Variants in CACNA1S observed in about 807,000 individuals in gnomAD.
The protein encoded by CACNA1S is calcium voltage-gated channel subunit alpha1 S.
CACNA1S carries 126 observed loss-of-function variants against 207.4 expected under a neutral mutation model. The observed-to-expected ratio is 0.61, with a 90% CI of 0.53 to 0.70. CACNA1S has a LOEUF of 0.70. Ranked by LOEUF, CACNA1S falls within the 30% of genes least tolerant of loss-of-function variation. The pLI, the probability that CACNA1S is intolerant of heterozygous loss-of-function variation, is 0.00. For missense variants in CACNA1S, 2,349 were observed against 2,422.8 expected, an observed-to-expected ratio of 0.97 and a Z score of 0.64; for synonymous variants, 960 against 932.7, an observed-to-expected ratio of 1.03 and a Z score of -0.53.
In CACNA1S at chr1:201,050,956, C is replaced by T. The variant is rs765459244; in HGVS notation, c.4113+28G>A. ...TGCCTCAGCTTATCAAAGCCCTCTC[C>T]CTGCCCCGCAGGCCCTCAGCATCTC... On this transcript the variant is annotated intron_variant, in intron 33 of 43. Coordinates refer to ENST00000362061, the MANE Select transcript of CACNA1S (RefSeq NM_000069.3). 20 of 1,613,200 alleles carry T rather than the reference C, an allele frequency of 1.2e-5. No individual in the cohort carries two copies. In the South Asian group the frequency reaches 2.2e-4, roughly 18 times the overall value.
At chr1:201,064,633 T>C (rs1661181264) in intron 22 of CACNA1S, among the ~76,000 whole-genome samples, 1 of 152,188 alleles carries the variant, frequency 6.6e-6, no homozygotes, top group Non-Finnish European at 1.5e-5. Flanking sequence ...GCTTTGGTGA[T>C]AGGAGGAGCA....
chr1:201,072,822 C>T lies in CACNA1S; in HGVS notation c.2160G>A (p.Leu720=). The change falls in exon 16 of 44, where the codon CTG becomes CTA. Residue 720 remains leucine, a splice_region_variant and synonymous_variant. Transcript: ENST00000362061. ...CATTAGATTCAAACTCATCGATTTT[C>T]AGCTGTAGGAAGGAACACAATGACT... ...KGEGIPTTAK[L]KIDEFESNVN... is the part of the protein sequence containing the mutation. 1 of 1,613,262 alleles carries T rather than the reference C, an allele frequency of 6.2e-7. No homozygotes were observed. The highest frequency in any genetic ancestry group is 2.2e-5 in the East Asian group (1 of 44,860).
chr1:201,101,656 C>T (rs1051396716), intron 2 of CACNA1S, among the ~76,000 whole-genome samples: 2 of 152,160 alleles, frequency 1.3e-5, no homozygotes, highest in African/African-American at 4.8e-5. Flanking sequence ...GTGTCTGATG[C>T]CCAAAGTTTG....
At chr1:201,098,629 T>C (rs916583891) in intron 2 of CACNA1S, among the ~76,000 whole-genome samples, 3 of 152,164 alleles carry the variant, frequency 2.0e-5, no homozygotes, top group Non-Finnish European at 2.9e-5. Context: ...AAATGAACAA[T>C]GGAAAGTCAC....
chr1:201,066,810 G>T lies in CACNA1S; in HGVS notation c.2657+77C>A, dbSNP rs1188658055. 5.5e-6 allele frequency: 6 copies of T among 1,085,176 alleles called. No individual in the cohort carries two copies. In the Admixed American group the frequency reaches 1.2e-4, roughly 21 times the overall value. 67.2% of individuals were successfully genotyped at this position (1,085,176 alleles called of 1,614,324 possible). A position where few individuals can be genotyped will look rare whatever the true frequency, so the allele number is the denominator to read the frequency against. ...TTGTGGCAGGGGCCCACCAACATGGGTGGGACTCCCACTACAAAGCCCTGG... is the reference window on the plus strand; with the variant it reads ...TTGTGGCAGGGGCCCACCAACATGGTTGGGACTCCCACTACAAAGCCCTGG... On this transcript the variant is annotated intron_variant, in intron 20 of 43. Coordinates refer to ENST00000362061, the MANE Select transcript of CACNA1S (RefSeq NM_000069.3). The surrounding 1 kb of genome is among the most constrained non-coding windows in gnomAD (Gnocchi z 4.3).
At chr1:201,098,262 GCAGGTGCGGCTGCACA>G (rs1176835404) in intron 2 of CACNA1S, among the ~76,000 whole-genome samples, 1 of 152,214 alleles carries the variant, frequency 6.6e-6, no homozygotes, top group African/African-American at 2.4e-5. Flanking sequence ...CAGGCTGTGG[GCAGGTGCGGCTGCACA>G]CCGTCGATAT....
chr1:201,055,843 A>C (rs1313602815), intron 28 of CACNA1S, among the ~76,000 whole-genome samples: 2 of 152,176 alleles, frequency 1.3e-5, no homozygotes, highest in Non-Finnish European at 2.9e-5. Context: ...ACCACCAAAG[A>C]CACTGTTTTG....
Position 201,043,396 on chromosome 1 carries a change from C to T in CACNA1S, c.4933G>A (p.Glu1645Lys), listed in dbSNP as rs956710240. Reference protein sequence around the residue: ...MEEMESPVFLEDFPQDPRTNP... With the variant: ...MEEMESPVFLKDFPQDPRTNP... ...GTGCGTGGATCTTGTGGGAAGTCCTCCAAGAAGACAGGTGACTCCATCTCT... is the reference window on the plus strand; with the variant it reads ...GTGCGTGGATCTTGTGGGAAGTCCTTCAAGAAGACAGGTGACTCCATCTCT... Residue 1645 changes from glutamate to lysine, a missense_variant, in exon 40 of 44, where the codon GAG becomes AAG. By Grantham distance (56) the Glu-to-Lys change is moderately conservative (BLOSUM62 1). Transcript: ENST00000362061. The T allele has an allele frequency of 6.2e-7, 1 of 1,614,138 alleles. No individual in the cohort carries two copies.
intron 26 of CACNA1S, among the ~76,000 whole-genome samples, chr1:201,060,195 T>A (rs1302152744): frequency 6.6e-6 from 1 of 152,236 alleles, no homozygotes; most frequent in Non-Finnish European, 1.5e-5. Flanking sequence ...AGGAATCAGA[T>A]GCTTAATCGA....
chr1:201,044,889 C>T (rs1660423672), intron 38 of CACNA1S, among the ~76,000 whole-genome samples: 1 of 152,206 alleles, frequency 6.6e-6, no homozygotes, highest in African/African-American at 2.4e-5. Flanking sequence ...CCCACTCTCC[C>T]TCTTGGGTTA....
intron 40 of CACNA1S, 26 bp downstream of exon 40, chr1:201,043,255 C>G (rs1391356267): frequency 6.2e-7 from 1 of 1,613,982 alleles, no homozygotes; most frequent in Non-Finnish European, 8.5e-7. Context: ...ACCTCTACAC[C>G]CAGGGATGGC....
chr1:201,085,126 G>C (rs983865709), intron 8 of CACNA1S, 95 bp from the exon 9 acceptor site: 3 of 887,774 alleles, frequency 3.4e-6, no homozygotes, highest in Non-Finnish European at 3.7e-6. Context: ...CCATTGACCA[G>C]AGACATCTGC....
chr1:201,042,738 T>C (rs1209313993), intron 40 of CACNA1S: 1 of 158,910 alleles, frequency 6.3e-6, no homozygotes, highest in African/African-American at 2.4e-5. Context: ...TCAGCTGACC[T>C]CCTGTCTAGA....
intron 2 of CACNA1S, among the ~76,000 whole-genome samples, chr1:201,095,692 G>A (rs1379987034): frequency 6.6e-6 from 1 of 152,132 alleles, no homozygotes; most frequent in Non-Finnish European, 1.5e-5. Flanking sequence ...CCAGAAAATG[G>A]TAATGTGATG....
intron 34 of CACNA1S, among the ~76,000 whole-genome samples, chr1:201,049,800 C>G (rs1226600311): frequency 6.6e-6 from 1 of 152,152 alleles, no homozygotes. Context: ...GCTATAGGCA[C>G]CAAACAGACC....
chr1:201,077,073 G>A lies in CACNA1S; in HGVS notation c.1674C>T (p.Ser558=). 1 of 1,614,216 alleles carries A rather than the reference G, an allele frequency of 6.2e-7. No homozygotes were observed. ...LVASLLNSIR[S]IASLLLLLFL... ...AGAGCAGCAGCAGCAGGGAGGCGATGGAGCGGATGGAGTTGAGCAGGGATG... is the reference window on the plus strand; with the variant it reads ...AGAGCAGCAGCAGCAGGGAGGCGATAGAGCGGATGGAGTTGAGCAGGGATG... Residue 558 remains serine, a synonymous_variant, in exon 12 of 44, where the codon TCC becomes TCT. Transcript: ENST00000362061.
Position 201,075,634 on chromosome 1 carries a change from G to C in CACNA1S, c.1828-19C>G. Reference sequence around the variant, plus strand: ...TCAGTACCTGTATGGAGGGAGGATAGAGGGCTCGGGAACACAGAGGGGCCT... The same window carrying C: ...TCAGTACCTGTATGGAGGGAGGATACAGGGCTCGGGAACACAGAGGGGCCT... On this transcript the variant is annotated intron_variant, in intron 12 of 43. Transcript: ENST00000362061. 6.2e-7 allele frequency: 1 copy of C among 1,613,518 alleles called. No homozygotes were observed. The highest frequency in any genetic ancestry group is 8.5e-7 in the Non-Finnish European group (1 of 1,179,420).
Position 201,107,030 on chromosome 1 carries a change from G to A in CACNA1S, c.258+3134C>T, listed in dbSNP as rs137958023. On this transcript the variant is annotated intron_variant, in intron 2 of 43. Coordinates refer to ENST00000362061, the MANE Select transcript of CACNA1S (RefSeq NM_000069.3). ...GCCAAGTGGCCCAGGACCCCAGAGG[G>A]CAAAACATCAAGCTGAGAGCCCCTC... 2.1e-3 allele frequency among the ~76,000 whole-genome samples: 314 copies of A among 152,328 alleles called. 1 individual carries two copies. Among genetic ancestry groups the A allele is most frequent in the African/African-American group, 7.2e-3 (299 of 41,576 alleles).
chr1:201,069,259 C>T, intron 18 of CACNA1S, 63 bp from the exon 19 acceptor site: 2 of 1,516,092 alleles, frequency 1.3e-6, no homozygotes, highest in East Asian at 2.3e-5. Flanking sequence ...GTATCAGCAG[C>T]AGCAGCAGCA....
Sources: allele counts gnomAD v4.1 joint callset (sites outside exome capture counted in the v4.1 genomes callset), GRCh38; gene constraint gnomAD v4.1.1; non-coding constraint Gnocchi (gnomAD v3.1); transcripts MANE v1.5; gene names NCBI Gene and HGNC (gene_info 2026-07-23, HGNC 2026-07-21).